The following CRIM1 variants were observed in gnomAD, a reference collection of about 807,000 sequenced individuals.
CRIM1 encodes the protein cysteine rich transmembrane BMP regulator 1.
CRIM1 carries 32 observed loss-of-function variants against 116.4 expected under a neutral mutation model. The ratio of observed to expected loss-of-function variants is 0.27; its 90% CI spans 0.21 to 0.37. CRIM1 has a LOEUF of 0.37. Ranked by LOEUF, CRIM1 falls within the 10% of genes least tolerant of loss-of-function variation. The probability of loss-of-function intolerance (pLI) is 1.00; values close to 1 mark genes in which losing one functional copy is unlikely to be tolerated. For synonymous variants in CRIM1, 590 were observed against 509.2 expected (o/e 1.16, Z -2.13); for missense variants, 1,331 against 1,354.8 (o/e 0.98, Z 0.28).
chr2:36,409,484 T>C (rs954990825), intron 2 of CRIM1, among the ~76,000 whole-genome samples: 1 of 152,206 alleles, frequency 6.6e-6, no homozygotes, highest in East Asian at 1.9e-4. Flanking sequence ...CCCTGCTCAC[T>C]TGGGGAGGAT....
intron 7 of CRIM1, among the ~76,000 whole-genome samples, chr2:36,484,672 T>G (rs1175656802): frequency 6.6e-6 from 1 of 152,176 alleles, no homozygotes; most frequent in East Asian, 1.9e-4. Context: ...AGGTGGCCAC[T>G]GTGATCTGAG....
intron 4 of CRIM1, among the ~76,000 whole-genome samples, chr2:36,453,490 C>T (rs1267116593): frequency 6.6e-6 from 1 of 152,156 alleles, no homozygotes; most frequent in Non-Finnish European, 1.5e-5. Flanking sequence ...TCATTCTCAT[C>T]AGTACCTAGC....
intron 7 of CRIM1, among the ~76,000 whole-genome samples, chr2:36,485,457 A>AGC (rs1251309265): frequency 6.6e-6 from 1 of 152,188 alleles, no homozygotes; most frequent in Non-Finnish European, 1.5e-5. Flanking sequence ...AATTTATGGA[A>AGC]GCACTATATT....
intron 14 of CRIM1, among the ~76,000 whole-genome samples, chr2:36,539,993 G>A (rs1191849681): frequency 6.6e-6 from 1 of 152,076 alleles, no homozygotes; most frequent in Non-Finnish European, 1.5e-5. Context: ...AGAGAGCGCA[G>A]GACCGAGCCC....
intron 8 of CRIM1, among the ~76,000 whole-genome samples, chr2:36,500,509 A>T (rs1293211240): frequency 6.6e-6 from 1 of 152,104 alleles, no homozygotes; most frequent in East Asian, 1.9e-4. Context: ...TCTGTAATAG[A>T]ACGTTTGATT....
At chr2:36,492,994 C>A (rs190091944) in intron 7 of CRIM1, among the ~76,000 whole-genome samples, 1 of 152,280 alleles carries the variant, frequency 6.6e-6, no homozygotes, top group African/African-American at 2.4e-5. Context: ...TATGTAAAAT[C>A]TGCAAAGCAT....
intron 1 of CRIM1, among the ~76,000 whole-genome samples, chr2:36,366,684 C>T (rs1669624790): frequency 6.6e-6 from 1 of 152,126 alleles, no homozygotes; most frequent in African/African-American, 2.4e-5. Context: ...CAGAATGAAA[C>T]CTGAGACTGC....
intron 2 of CRIM1, among the ~76,000 whole-genome samples, chr2:36,424,658 G>A (rs754807527): frequency 2.6e-5 from 4 of 152,060 alleles, no homozygotes; most frequent in Non-Finnish European, 2.9e-5. Context: ...GCTTTAAATC[G>A]TATTTGTATT....
chr2:36,475,260 G>A (rs1678878257), intron 5 of CRIM1, among the ~76,000 whole-genome samples: 1 of 152,108 alleles, frequency 6.6e-6, no homozygotes, highest in South Asian at 2.1e-4. Context: ...GGCCTTTTTA[G>A]TTTTTTGAAA....
At chr2:36,507,788 G>A (rs1295627833) in intron 8 of CRIM1, among the ~76,000 whole-genome samples, 7 of 152,218 alleles carry the variant, frequency 4.6e-5, no homozygotes, top group Non-Finnish European at 1.0e-4. Context: ...CTTTAAAGGT[G>A]AAGCACATTC....
chr2:36,477,219 T>C, intron 6 of CRIM1, 148 bp downstream of exon 6: 1 of 649,476 alleles, frequency 1.5e-6, no homozygotes, highest in East Asian at 3.1e-5. Flanking sequence ...GGTCTGTCTT[T>C]TAGCATGTTA....
intron 2 of CRIM1, among the ~76,000 whole-genome samples, chr2:36,406,680 G>A (rs1409412664): frequency 1.5e-5 from 2 of 130,300 alleles, no homozygotes; most frequent in African/African-American, 3.0e-5. Context: ...TCTCTTACTC[G>A]TCCTGAAACC....
In CRIM1 at chr2:36,383,513, A is replaced by G. The variant is rs7564210; in HGVS notation, c.332-13101A>G. On this transcript the variant is annotated intron_variant, in intron 1 of 16. Transcript: ENST00000280527. Reference sequence around the variant, plus strand: ...TTTTTCCATGCAGTATTGTTAGTAGAGTATAATACTAGTTATGTCGTAGAG... The same window carrying G: ...TTTTTCCATGCAGTATTGTTAGTAGGGTATAATACTAGTTATGTCGTAGAG... Among the ~76,000 whole-genome samples the G allele has an allele frequency of 9.0e-3, 1,372 of 152,334 alleles. 23 individuals are homozygous for G. The highest frequency in any genetic ancestry group is 0.041 in the Middle Eastern group (12 of 294).
Position 36,513,549 on chromosome 2 carries a change from T to C in CRIM1, c.1781-7T>C, listed in dbSNP as rs1448258135. The C allele has an allele frequency of 1.2e-6, 2 of 1,613,748 alleles. No individual in the cohort carries two copies. Among genetic ancestry groups the C allele is most frequent in the East Asian group, 4.5e-5 (2 of 44,884 alleles). ...CTTCTTTACCAGGCTGCCTTTTGTC[T>C]GTCCAGAGGCCTCTGCTTCAGCTGG... is the stretch of plus-strand genomic sequence containing the variant. On this transcript the variant is annotated splice_polypyrimidine_tract_variant and splice_region_variant and intron_variant, in intron 10 of 16. Transcript: ENST00000280527.
chr2:36,457,788 G>A (rs1459525634), intron 4 of CRIM1, among the ~76,000 whole-genome samples: 1 of 151,808 alleles, frequency 6.6e-6, no homozygotes, highest in African/African-American at 2.4e-5. Context: ...TTCCTGGAAA[G>A]AGTAAGAAAT....
intron 13 of CRIM1, among the ~76,000 whole-genome samples, chr2:36,531,043 G>C (rs759679179): frequency 5.9e-5 from 9 of 152,196 alleles, no homozygotes; most frequent in Non-Finnish European, 1.2e-4. Flanking sequence ...ATAGTACTGT[G>C]TTGGCTTGTT....
chr2:36,518,655 G>T (rs948909658), intron 12 of CRIM1, among the ~76,000 whole-genome samples: 1 of 152,108 alleles, frequency 6.6e-6, no homozygotes, highest in African/African-American at 2.4e-5. Flanking sequence ...TAGCACTACA[G>T]CTTTTCTAGT....
intron 1 of CRIM1, among the ~76,000 whole-genome samples, chr2:36,365,575 C>CT (rs1488607811): frequency 2.0e-5 from 3 of 152,094 alleles, no homozygotes. Flanking sequence ...GACTAATAGT[C>CT]GAGGTTGGCC....
intron 1 of CRIM1, among the ~76,000 whole-genome samples, chr2:36,382,740 C>G (rs560101403): frequency 6.6e-6 from 1 of 152,206 alleles, no homozygotes; most frequent in Non-Finnish European, 1.5e-5. Flanking sequence ...TCTGGTCTGC[C>G]TTGAGAACTT....
Sources: allele counts gnomAD v4.1 joint callset (sites outside exome capture counted in the v4.1 genomes callset), GRCh38; gene constraint gnomAD v4.1.1; transcripts MANE v1.5; gene names NCBI Gene and HGNC (gene_info 2026-07-23, HGNC 2026-07-21).